The following COMMD10 variants were observed in gnomAD, a reference collection of about 807,000 sequenced individuals.
COMMD10 encodes COMM domain-containing protein 10.
Under a neutral mutation model 28.9 loss-of-function variants are expected in COMMD10, and 33 were observed. That is an observed-to-expected ratio of 1.14 (90% CI 0.87 to 1.53). The LOEUF is 1.53. COMMD10 is among the 40% of genes most tolerant of loss of function. COMMD10 has a pLI of 0.00. For synonymous variants in COMMD10, 110 were observed against 81.7 expected (o/e 1.35, Z -1.87); for missense variants, 310 against 233.4 (o/e 1.33, Z -2.14).
At chr5:116,277,373 G>A (rs1750946970) in intron 5 of COMMD10, among the ~76,000 whole-genome samples, 1 of 151,872 alleles carries the variant, frequency 6.6e-6, no homozygotes, top group Non-Finnish European at 1.5e-5. Context: ...GAGAACTAAT[G>A]TGCATGGAAA....
At chr5:116,160,342 T>A (rs1229102462) in intron 5 of COMMD10, among the ~76,000 whole-genome samples, 1 of 152,202 alleles carries the variant, frequency 6.6e-6, no homozygotes, top group Non-Finnish European at 1.5e-5. Flanking sequence ...GTTAATGAAT[T>A]TGTTCCTGCA....
intron 4 of COMMD10, among the ~76,000 whole-genome samples, chr5:116,127,695 A>G (rs1360776546): frequency 3.3e-5 from 5 of 152,206 alleles, no homozygotes; most frequent in African/African-American, 1.2e-4. Flanking sequence ...CAAACACTGC[A>G]TGTTCTCACT....
At chr5:116,135,190 T>C (rs1751991806) in intron 5 of COMMD10, among the ~76,000 whole-genome samples, 1 of 152,130 alleles carries the variant, frequency 6.6e-6, no homozygotes, top group South Asian at 2.1e-4. Flanking sequence ...GAATGAGGTA[T>C]TAGAGAAGAT....
intron 4 of COMMD10, among the ~76,000 whole-genome samples, chr5:116,093,630 C>T (rs1428715611): frequency 6.6e-6 from 1 of 152,084 alleles, no homozygotes. Context: ...GTAGCTGGAG[C>T]ACGGCTCCAT....
chr5:116,147,694 TC>T (rs1418121017), intron 5 of COMMD10, among the ~76,000 whole-genome samples: 1 of 151,896 alleles, frequency 6.6e-6, no homozygotes, highest in African/African-American at 2.4e-5. Flanking sequence ...AGAAAGAAAT[TC>T]TTGTTTATTT....
chr5:116,276,099 G>T (rs1490638633), intron 5 of COMMD10, among the ~76,000 whole-genome samples: 3 of 151,312 alleles, frequency 2.0e-5, no homozygotes, highest in African/African-American at 7.3e-5. Context: ...AGGTGGATAG[G>T]AGGGGGAGAG....
chr5:116,235,429 CCTGTTACAATCCTGGGTTAGATTTG>C (rs1016575551), intron 5 of COMMD10, among the ~76,000 whole-genome samples: 4 of 152,102 alleles, frequency 2.6e-5, no homozygotes, highest in Non-Finnish European at 5.9e-5. Context: ...ATTTCATTTT[CCTGTTACAATCCTGGGTTAGATTTG>C]CTGTTACTTA....
In COMMD10 at chr5:116,168,077, C is replaced by A. The variant is rs553271054; in HGVS notation, c.510+33899C>A. Reference sequence around the variant, plus strand: ...TCAAGACCCATTGGTGTGCTGTATTCAGGAGACCCATCTCGTGTGCAAAGA... The same window carrying A: ...TCAAGACCCATTGGTGTGCTGTATTAAGGAGACCCATCTCGTGTGCAAAGA... On this transcript the variant is annotated intron_variant, in intron 5 of 6. Transcript: ENST00000274458. Among the ~76,000 whole-genome samples the A allele has an allele frequency of 3.1e-3, 457 of 145,156 alleles. 3 individuals are homozygous for A. Among genetic ancestry groups the A allele is most frequent in the Non-Finnish European group, 4.4e-3 (297 of 67,396 alleles).
chr5:116,267,196 C>G (rs1262582340), intron 5 of COMMD10, among the ~76,000 whole-genome samples: 1 of 151,842 alleles, frequency 6.6e-6, no homozygotes, highest in Non-Finnish European at 1.5e-5. Context: ...ATTTAGAAAA[C>G]CTCATTGTCT....
chr5:116,155,902 G>A (rs1752689364), intron 5 of COMMD10, among the ~76,000 whole-genome samples: 1 of 151,684 alleles, frequency 6.6e-6, no homozygotes. Context: ...ATTAATATAA[G>A]AGAAAATTAT....
intron 5 of COMMD10, among the ~76,000 whole-genome samples, chr5:116,187,150 A>G (rs948217102): frequency 1.3e-5 from 2 of 152,154 alleles, no homozygotes; most frequent in African/African-American, 4.8e-5. Flanking sequence ...ACATGTGTTC[A>G]AAAGAGACCC....
chr5:116,125,881 C>G (rs1330046711), intron 4 of COMMD10, among the ~76,000 whole-genome samples: 1 of 152,094 alleles, frequency 6.6e-6, no homozygotes, highest in Admixed American at 6.6e-5. Context: ...ACAGGGATGC[C>G]CTCTCTCACC....
chr5:116,273,557 A>G (rs1294239500), intron 5 of COMMD10, among the ~76,000 whole-genome samples: 2 of 151,890 alleles, frequency 1.3e-5, no homozygotes, highest in African/African-American at 2.4e-5. Context: ...CCTAGGTCAC[A>G]AAACTCATTA....
intron 4 of COMMD10, among the ~76,000 whole-genome samples, chr5:116,126,822 C>G: frequency 6.6e-6 from 1 of 152,084 alleles, no homozygotes; most frequent in Non-Finnish European, 1.5e-5. Flanking sequence ...CATAAAAACC[C>G]TAGGAGGAAA....
At chr5:116,123,507 C>T (rs1407812044) in intron 4 of COMMD10, among the ~76,000 whole-genome samples, 4 of 152,142 alleles carry the variant, frequency 2.6e-5, no homozygotes, top group Non-Finnish European at 5.9e-5. Context: ...CAATGTTCAT[C>T]AGGGATATTG....
chr5:116,144,669 G>A (rs1329970881), intron 5 of COMMD10, among the ~76,000 whole-genome samples: 2 of 151,890 alleles, frequency 1.3e-5, no homozygotes, highest in African/African-American at 2.4e-5. Flanking sequence ...GAATGGACAT[G>A]TGACTGTTGG....
chr5:116,276,344 C>T (rs2112703043), intron 5 of COMMD10, among the ~76,000 whole-genome samples: 1 of 151,748 alleles, frequency 6.6e-6, no homozygotes, highest in Admixed American at 6.6e-5. Flanking sequence ...CCTCCACCTC[C>T]CAGGTTCAAG....
chr5:116,280,717 A>G (rs1751046561), intron 5 of COMMD10, among the ~76,000 whole-genome samples: 1 of 151,866 alleles, frequency 6.6e-6, no homozygotes, highest in Admixed American at 6.6e-5. Context: ...AGCTGAAATT[A>G]TATCTCTAGG....
intron 5 of COMMD10, among the ~76,000 whole-genome samples, chr5:116,213,164 T>G (rs572717572): frequency 1.3e-5 from 2 of 152,048 alleles, no homozygotes; most frequent in Admixed American, 1.3e-4. Context: ...GAAAAAACAG[T>G]CTTCCCTTTT....
Sources: gnomAD v4.1 joint callset for allele counts (sites outside exome capture counted in the v4.1 genomes callset) on GRCh38, gnomAD v4.1.1 for gene constraint, MANE v1.5 for transcripts, NCBI Gene and HGNC (gene_info 2026-07-23, HGNC 2026-07-21) for gene names.